EYS: variants seen among roughly 807,000 people sequenced by gnomAD.
The protein encoded by EYS is EGF-like photoreceptor maintenance factor, also known as protein eyes shut homolog.
Under a neutral mutation model 282.1 loss-of-function variants are expected in EYS, and 250 were observed. That is an observed-to-expected ratio of 0.89 (90% CI 0.80 to 0.98). The LOEUF (loss-of-function observed/expected upper bound fraction) is 0.98, where lower values mean the gene tolerates loss of function less well. EYS is among the 50% of genes least tolerant of loss of function. The pLI, the probability that EYS is intolerant of heterozygous loss-of-function variation, is 0.00. For missense variants in EYS, 4,016 were observed against 3,709.0 expected, an observed-to-expected ratio of 1.08 and a Z score of -2.15; for synonymous variants, 1,355 against 1,282.9, an observed-to-expected ratio of 1.06 and a Z score of -1.20.
chr6:65,046,025 A>C (rs985632098), intron 13 of EYS, among the ~76,000 whole-genome samples: 3 of 151,896 alleles, frequency 2.0e-5, no homozygotes, highest in Non-Finnish European at 4.4e-5. Flanking sequence ...TGTCCCTCTT[A>C]AGCAACAGTT....
At chr6:64,182,926 A>G (rs1327760475) in intron 31 of EYS, among the ~76,000 whole-genome samples, 2 of 151,990 alleles carry the variant, frequency 1.3e-5, no homozygotes, top group Non-Finnish European at 2.9e-5. Flanking sequence ...GCACTTTTGC[A>G]GGGATCTTGA....
intron 30 of EYS, among the ~76,000 whole-genome samples, chr6:64,296,595 TATA>T (rs1769032280): frequency 2.8e-3 from 14 of 5,064 alleles, no homozygotes; most frequent in African/African-American, 6.6e-3. Context: ...CATATATATA[TATA>T]TTTTTTTTTT....
intron 12 of EYS, among the ~76,000 whole-genome samples, chr6:65,060,770 GTATATATATGTGTA>G (rs1236121624): frequency 1.5e-5 from 2 of 129,474 alleles, no homozygotes; most frequent in African/African-American, 6.6e-5. Context: ...ATATACATGT[GTATATATATGTGTA>G]TATATATATA....
intron 31 of EYS, among the ~76,000 whole-genome samples, chr6:64,093,412 T>C (rs1003098495): frequency 5.3e-5 from 8 of 152,194 alleles, no homozygotes; most frequent in African/African-American, 1.7e-4. Context: ...TATGTGTTTG[T>C]ATCCTCTTTT....
intron 22 of EYS, among the ~76,000 whole-genome samples, chr6:64,670,189 T>G (rs1232482363): frequency 1.3e-5 from 2 of 152,056 alleles, no homozygotes; most frequent in Admixed American, 1.3e-4. Flanking sequence ...AGAAAGTCTA[T>G]TTTTCCTTAG....
intron 41 of EYS, among the ~76,000 whole-genome samples, chr6:63,732,381 CTAA>C (rs949630710): frequency 3.9e-5 from 6 of 152,014 alleles, no homozygotes; most frequent in Middle Eastern, 3.2e-3. Context: ...ATTGCATTTT[CTAA>C]TAATAATACA....
chr6:65,015,561 C>T (rs1583399922), intron 13 of EYS, among the ~76,000 whole-genome samples: 2 of 152,050 alleles, frequency 1.3e-5, no homozygotes, highest in Non-Finnish European at 2.9e-5. Context: ...ATATATAATG[C>T]TGCTTTATTT....
At chr6:63,740,522 T>A (rs1269773357) in intron 41 of EYS, among the ~76,000 whole-genome samples, 1 of 152,220 alleles carries the variant, frequency 6.6e-6, no homozygotes, top group Non-Finnish European at 1.5e-5. Flanking sequence ...CAAAACACTT[T>A]GCTTGAAGAG....
At chr6:65,661,901 A>T (rs1384969321) in intron 1 of EYS, among the ~76,000 whole-genome samples, 1 of 152,240 alleles carries the variant, frequency 6.6e-6, no homozygotes, top group African/African-American at 2.4e-5. Flanking sequence ...TTATATGTAC[A>T]GGATCTTTCT....
intron 31 of EYS, among the ~76,000 whole-genome samples, chr6:64,146,938 T>C (rs1175973850): frequency 2.0e-5 from 3 of 152,184 alleles, no homozygotes; most frequent in African/African-American, 4.8e-5. Context: ...CGAAGTTCAG[T>C]GAGGCTAGGT....
chr6:65,080,201 G>A (rs981147166), intron 12 of EYS, among the ~76,000 whole-genome samples: 1 of 151,988 alleles, frequency 6.6e-6, no homozygotes, highest in African/African-American at 2.4e-5. Context: ...AGGAGCCCTC[G>A]ACAGAACACG....
At chr6:64,627,344 G>A (rs1767642028) in intron 22 of EYS, among the ~76,000 whole-genome samples, 1 of 152,190 alleles carries the variant, frequency 6.6e-6, no homozygotes, top group Admixed American at 6.5e-5. Flanking sequence ...AGAAAAGAGT[G>A]TGAGTTAATC....
intron 31 of EYS, among the ~76,000 whole-genome samples, chr6:64,112,177 CTAA>C (rs1271738342): frequency 1.3e-5 from 2 of 151,978 alleles, no homozygotes; most frequent in Admixed American, 1.3e-4. Context: ...ATATAACCCT[CTAA>C]TATGTTGTTT....
chr6:65,442,873 T>TACATATGTACATACATAC (rs1554197047), intron 5 of EYS, among the ~76,000 whole-genome samples: 1 of 103,532 alleles, frequency 9.7e-6, no homozygotes, highest in Non-Finnish European at 2.4e-5. Context: ...TATACATACA[T>TACATATGTACATACATAC]ATACACATAC....
chr6:64,698,055 A>C (rs1770647785), intron 22 of EYS, among the ~76,000 whole-genome samples: 1 of 152,182 alleles, frequency 6.6e-6, no homozygotes, highest in South Asian at 2.1e-4. Flanking sequence ...AAACTATAAA[A>C]ATACATGGAA....
intron 5 of EYS, among the ~76,000 whole-genome samples, chr6:65,446,047 T>TA (rs1768643625): frequency 6.6e-6 from 1 of 151,772 alleles, no homozygotes; most frequent in South Asian, 2.1e-4. Context: ...GAGGTTTTTT[T>TA]AATCAATCAT....
At chr6:64,852,515 C>T (rs2350285) in intron 19 of EYS, among the ~76,000 whole-genome samples, 85,413 of 151,858 alleles carry the variant, frequency 0.56, 24,801 homozygotes, top group Non-Finnish European at 0.62. Flanking sequence ...TGAGTTGATA[C>T]TACTTAATAA....
At chr6:64,171,916 G>A (rs767602055) in intron 31 of EYS, among the ~76,000 whole-genome samples, 5 of 152,142 alleles carry the variant, frequency 3.3e-5, no homozygotes, top group East Asian at 1.9e-4. Context: ...CACACTGCTC[G>A]TAGGTGAGGT....
chr6:65,392,300 C>A (rs1325486219), intron 7 of EYS, among the ~76,000 whole-genome samples: 1 of 151,808 alleles, frequency 6.6e-6, no homozygotes, highest in East Asian at 1.9e-4. Flanking sequence ...GCAATGGCAA[C>A]AAAAGCCAAA....
Sources: allele counts gnomAD v4.1 joint callset (sites outside exome capture counted in the v4.1 genomes callset), GRCh38; gene constraint gnomAD v4.1.1; transcripts MANE v1.5; gene names NCBI Gene and HGNC (gene_info 2026-07-23, HGNC 2026-07-21).